The following ADAMTS20 variants were observed in gnomAD, a reference collection of about 807,000 sequenced individuals.
ADAMTS20 encodes A disintegrin and metalloproteinase with thrombospondin motifs 20.
Under a neutral mutation model 260.1 loss-of-function variants are expected in ADAMTS20, and 225 were observed. The observed-to-expected ratio is 0.87, with a 90% CI of 0.78 to 0.97. The LOEUF (loss-of-function observed/expected upper bound fraction) is 0.97. Ranked by LOEUF, ADAMTS20 falls within the 50% of genes least tolerant of loss-of-function variation. The pLI, the probability that ADAMTS20 is intolerant of heterozygous loss-of-function variation, is 0.00. For synonymous variants in ADAMTS20, 802 were observed against 769.5 expected, an observed-to-expected ratio of 1.04 and a Z score of -0.70; for missense variants, 2,400 against 2,337.7, an observed-to-expected ratio of 1.03 and a Z score of -0.55.
intron 2 of ADAMTS20, among the ~76,000 whole-genome samples, chr12:43,537,056 A>G (rs925246661): frequency 1.3e-5 from 2 of 152,024 alleles, no homozygotes; most frequent in Non-Finnish European, 2.9e-5. Context: ...AGCATATTTT[A>G]TTTTATTTTT....
At chr12:43,399,287 C>T in intron 28 of ADAMTS20, 54 bp from the exon 29 acceptor site, 1 of 1,332,296 alleles carries the variant, frequency 7.5e-7, no homozygotes, top group Non-Finnish European at 9.8e-7. Context: ...TTAATTTAAG[C>T]TTATCTTAAA....
chr12:43,474,686 TAC>T (rs1942321790), intron 7 of ADAMTS20, among the ~76,000 whole-genome samples: 1 of 93,528 alleles, frequency 1.1e-5, no homozygotes, highest in South Asian at 4.7e-4. Flanking sequence ...TGGTTCAATA[TAC>T]GCAAATCAAT....
rs376643347 is a variant in ADAMTS20 at position 43,530,877 on chromosome 12, A to G, written c.613+1159T>C. ...ATAAATCTTCAGTAGTCTAAATTTT[A>G]TAGAAAAAAATGATGAAAATATACC... On this transcript the variant is annotated intron_variant, in intron 3 of 38. Coordinates refer to ENST00000389420, the MANE Select transcript of ADAMTS20 (RefSeq NM_025003.5). 2.0e-4 allele frequency among the ~76,000 whole-genome samples: 30 copies of G among 152,204 alleles called. No homozygotes were observed. The South Asian group carries it at 6.2e-3, about 32-fold the overall frequency.
At chr12:43,546,558 A>G (rs1228252836) in intron 2 of ADAMTS20, among the ~76,000 whole-genome samples, 2 of 152,224 alleles carry the variant, frequency 1.3e-5, no homozygotes, top group Non-Finnish European at 2.9e-5. Context: ...TGACAAGTAT[A>G]TGCCAACTTA....
chr12:43,384,506 C>T (rs552746468), intron 29 of ADAMTS20, among the ~76,000 whole-genome samples: 6 of 151,956 alleles, frequency 3.9e-5, no homozygotes, highest in South Asian at 2.1e-4. Context: ...CAGAACATGC[C>T]GCTTTGTTAC....
chr12:43,501,481 G>GCACACACA lies in ADAMTS20; in HGVS notation c.867+663_867+670dup, dbSNP rs3036317. Among the ~76,000 whole-genome samples the GCACACACA allele has an allele frequency of 8.8e-4, 104 of 117,832 alleles. 1 individual carries two copies. The South Asian group carries it at 9.4e-3, about 11-fold the overall frequency. 77.3% of individuals were successfully genotyped at this position (117,832 alleles called of 152,430 possible). On this transcript the variant is annotated intron_variant, in intron 4 of 38. Transcript: ENST00000389420. ...GGGATACGCGCGCGCGCGCGCGCGC[G>GCACACACA]CACACACACACACACACACACATGT...
chr12:43,472,282 C>G (rs1453143096), intron 7 of ADAMTS20, among the ~76,000 whole-genome samples: 6 of 151,970 alleles, frequency 3.9e-5, no homozygotes, highest in South Asian at 2.1e-4. Context: ...GGGAAGTTTA[C>G]AGAAAAAAGA....
chr12:43,522,896 T>C (rs1416915120), intron 3 of ADAMTS20, among the ~76,000 whole-genome samples: 8 of 152,230 alleles, frequency 5.3e-5, no homozygotes, highest in African/African-American at 1.9e-4. Context: ...AACTTTGACC[T>C]TGGAAACAAT....
At chr12:43,359,486 T>A (rs561936704) in intron 37 of ADAMTS20, among the ~76,000 whole-genome samples, 6 of 152,352 alleles carry the variant, frequency 3.9e-5, no homozygotes, top group African/African-American at 1.4e-4. Flanking sequence ...AGAATCTTTG[T>A]ACATACGGAG....
At chr12:43,396,496 G>T (rs1310602424) in intron 29 of ADAMTS20, among the ~76,000 whole-genome samples, 1 of 152,166 alleles carries the variant, frequency 6.6e-6, no homozygotes, top group African/African-American at 2.4e-5. Context: ...TTAACTTCGT[G>T]TGGGTGCTTT....
At chr12:43,501,192 G>GGGATTATA (rs1312117775) in intron 4 of ADAMTS20, among the ~76,000 whole-genome samples, 1 of 151,196 alleles carries the variant, frequency 6.6e-6, no homozygotes, top group East Asian at 2.0e-4. Context: ...CCGAGTAGCT[G>GGGATTATA]GGATTATAGG....
chr12:43,525,054 A>T (rs1275813770), intron 3 of ADAMTS20, among the ~76,000 whole-genome samples: 4 of 151,190 alleles, frequency 2.6e-5, no homozygotes, highest in Non-Finnish European at 5.9e-5. Context: ...TATTGCAAAA[A>T]GGTCATCATC....
At chr12:43,431,273 A>C (rs569454971) in intron 22 of ADAMTS20, 59 bp downstream of exon 22, 4 of 1,545,934 alleles carry the variant, frequency 2.6e-6, no homozygotes, top group Non-Finnish European at 3.5e-6. Context: ...ATATAACACA[A>C]CTTTTGTGCT....
chr12:43,525,548 C>G (rs536700324), intron 3 of ADAMTS20, among the ~76,000 whole-genome samples: 21 of 152,090 alleles, frequency 1.4e-4, no homozygotes, highest in Admixed American at 3.3e-4. Context: ...AGTAAATGGC[C>G]TACATTCTCC....
At chr12:43,431,288 T>C (rs752834444) in intron 22 of ADAMTS20, 44 bp downstream of exon 22, 5 of 1,590,724 alleles carry the variant, frequency 3.1e-6, no homozygotes, top group Non-Finnish European at 3.4e-6. Context: ...TGTGCTATTC[T>C]GTAAAGATAG....
chr12:43,522,351 A>G lies in ADAMTS20; in HGVS notation c.613+9685T>C, dbSNP rs181536745. 4.5e-4 allele frequency among the ~76,000 whole-genome samples: 68 copies of G among 152,316 alleles called. No individual in the cohort carries two copies. The East Asian group carries it at 0.011, about 25-fold the overall frequency. ...CCCCACCTGGTCCCACCCTTGACAC[A>G]TAGGGATTATGGGGATTACAGTCCA... is the stretch of plus-strand genomic sequence containing the variant. On this transcript the variant is annotated intron_variant, in intron 3 of 38. Transcript: ENST00000389420.
rs374204798 is a variant in ADAMTS20 at position 43,369,279 on chromosome 12, A to G, written c.5538+11T>C. On this transcript the variant is annotated intron_variant, in intron 37 of 38. Transcript: ENST00000389420. ...CAAAGAAAGAAAATTAATCAAACAA[A>G]TATGAAATACCTGTGGGCATCTGAA... 45 of 1,467,824 alleles carry G rather than the reference A, an allele frequency of 3.1e-5. No individual in the cohort carries two copies. In the African/African-American group the frequency reaches 6.1e-4, roughly 20 times the overall value. The allele number at this position is 1,467,824 out of a possible 1,614,324, so 90.9% of individuals were successfully genotyped here.
chr12:43,522,935 T>A (rs1943091685), intron 3 of ADAMTS20, among the ~76,000 whole-genome samples: 1 of 152,218 alleles, frequency 6.6e-6, no homozygotes, highest in Admixed American at 6.5e-5. Flanking sequence ...CACCATGAAT[T>A]GTAATATTTT....
rs185115679 is a variant in ADAMTS20, at chr12:43,535,989, C to T, written c.454-3794G>A. ...AATTTATGTAGATAGATCCCTCTCTCGAGTCAGGTGAGGCTAAGTCATCCA... is the reference window on the plus strand; with the variant it reads ...AATTTATGTAGATAGATCCCTCTCTTGAGTCAGGTGAGGCTAAGTCATCCA... On this transcript the variant is annotated intron_variant, in intron 2 of 38. Transcript: ENST00000389420. Among the ~76,000 whole-genome samples the T allele has an allele frequency of 2.8e-3, 431 of 152,140 alleles. 5 individuals carry two copies. Among genetic ancestry groups the T allele is most frequent in the Admixed American group, 0.011 (165 of 15,276 alleles).
Sources: allele counts gnomAD v4.1 joint callset (sites outside exome capture counted in the v4.1 genomes callset), GRCh38; gene constraint gnomAD v4.1.1; transcripts MANE v1.5; gene names NCBI Gene and HGNC (gene_info 2026-07-23, HGNC 2026-07-21).